FAM168B: variants seen among roughly 807,000 people sequenced by gnomAD.
FAM168B encodes myelin-associated neurite-outgrowth inhibitor.
FAM168B carries 19 observed loss-of-function variants against 21.8 expected under a neutral mutation model. The ratio of observed to expected loss-of-function variants is 0.87; its 90% CI spans 0.61 to 1.28. The LOEUF (loss-of-function observed/expected upper bound fraction) is 1.28. Ranked by LOEUF, FAM168B falls within the 50% of genes most tolerant of loss-of-function variation. FAM168B has a pLI of 0.00. For synonymous variants in FAM168B, 126 were observed against 104.8 expected (o/e 1.20, Z -1.24); for missense variants, 233 against 263.1 (o/e 0.89, Z 0.79).
chr2:131,070,448 G>A (rs1692816255), intron 3 of FAM168B, among the ~76,000 whole-genome samples: 1 of 152,208 alleles, frequency 6.6e-6, no homozygotes, highest in Non-Finnish European at 1.5e-5. Flanking sequence ...ACTGCTGGTA[G>A]GAATGTAAAA....
At chr2:131,063,744 A>C (rs1692420694) in intron 3 of FAM168B, among the ~76,000 whole-genome samples, 1 of 152,124 alleles carries the variant, frequency 6.6e-6, no homozygotes, top group African/African-American at 2.4e-5. Context: ...GTGCAACCAC[A>C]CTCCAGCCTG....
intron 3 of FAM168B, among the ~76,000 whole-genome samples, chr2:131,062,009 TAAAG>T (rs916245369): frequency 6.6e-6 from 1 of 152,000 alleles, no homozygotes; most frequent in Non-Finnish European, 1.5e-5. Context: ...ACTGATTCAC[TAAAG>T]AAAGAATGAG....
chr2:131,060,187 A>G (rs1692223038), intron 3 of FAM168B, among the ~76,000 whole-genome samples: 1 of 152,090 alleles, frequency 6.6e-6, no homozygotes, highest in Non-Finnish European at 1.5e-5. Context: ...CACCACACCC[A>G]GCTAATTTTT....
intron 3 of FAM168B, among the ~76,000 whole-genome samples, chr2:131,069,410 T>C (rs1040190104): frequency 6.6e-6 from 1 of 152,078 alleles, no homozygotes; most frequent in Non-Finnish European, 1.5e-5. Flanking sequence ...GTCACAGACA[T>C]AAATGTAAAA....
At chr2:131,068,389 C>A (rs1182663986) in intron 3 of FAM168B, among the ~76,000 whole-genome samples, 1 of 152,120 alleles carries the variant, frequency 6.6e-6, no homozygotes, top group Non-Finnish European at 1.5e-5. Context: ...GAATTCCTGG[C>A]CTCAAGTGAT....
In FAM168B at chr2:131,053,002, A is replaced by G. The variant is rs1289080253; in HGVS notation, c.489T>C (p.Thr163=). The G allele has an allele frequency of 3.2e-6, 5 of 1,552,470 alleles. No homozygotes were observed. In the Admixed American group the frequency reaches 9.9e-5, roughly 31 times the overall value. Residue 163 remains threonine, a synonymous_variant, in exon 6 of 7, where the codon ACT becomes ACC. Coordinates refer to ENST00000389915, the MANE Select transcript of FAM168B (RefSeq NM_001009993.4). The part of the protein sequence containing the change: ...TMAMSAGTLL[T]AHSPTPVAPH... ...GGGCGACAGGAGTTGGGGAGTGAGC[A>G]GTCAGCAGGGTACCTGGAAGAAAGA...
chr2:131,059,118 G>A (rs775852280), intron 3 of FAM168B, among the ~76,000 whole-genome samples: 1 of 152,158 alleles, frequency 6.6e-6, no homozygotes, highest in Non-Finnish European at 1.5e-5. Flanking sequence ...CCAACACAGA[G>A]AGGCTATTCA....
In FAM168B at chr2:131,051,470, A is replaced by T. The variant is rs1431129525; in HGVS notation, c.*995T>A. ...TGCCTACCTGTTTTCAGCTGATTCA[A>T]ACATTTCTCCAGGAAAAAAAAAAAA... On this transcript the variant is annotated 3_prime_UTR_variant, in exon 7 of 7. Coordinates refer to ENST00000389915, the MANE Select transcript of FAM168B (RefSeq NM_001009993.4). 2.0e-6 allele frequency: 2 copies of T among 982,450 alleles called. No individual in the cohort carries two copies. The highest frequency in any genetic ancestry group is 2.3e-4 in the East Asian group (2 of 8,764). 60.9% of individuals were successfully genotyped at this position (982,450 alleles called of 1,614,324 possible).
intron 1 of FAM168B, among the ~76,000 whole-genome samples, chr2:131,092,825 A>G (rs955361118): frequency 6.6e-6 from 1 of 152,194 alleles, no homozygotes; most frequent in African/African-American, 2.4e-5. Context: ...AAAAATAAAA[A>G]TTATCTTTAC....
Position 131,048,183 on chromosome 2 carries a change from A to T in FAM168B, c.*4282T>A, listed in dbSNP as rs1166450285. 1 of 1,249,500 alleles carries T rather than the reference A, an allele frequency of 8.0e-7. No homozygotes were observed. Among genetic ancestry groups the T allele is most frequent in the African/African-American group, 1.6e-5 (1 of 63,640 alleles). 77.4% of individuals were successfully genotyped at this position (1,249,500 alleles called of 1,614,324 possible). On this transcript the variant is annotated 3_prime_UTR_variant, in exon 7 of 7. Transcript: ENST00000389915. ...GGTATTTAAAAATCATTTTTAAAAA[A>T]ACAAAAAGGAACCGTTTCTTCTTTA...
At position 131,049,689 on chromosome 2, in the gene FAM168B, GGTCCTTTGCTTACCTGCTGTCTCAACT is replaced by G; in HGVS notation, c.*2749_*2775del. The G allele has an allele frequency of 1.0e-6, 1 of 985,790 alleles. No homozygotes were observed. The allele number at this position is 985,790 out of a possible 1,614,324, so 61.1% of individuals were successfully genotyped here. Reference sequence around the variant, plus strand: ...ATGATGTCCATGTTTACATGAACTAGGTCCTTTGCTTACCTGCTGTCTCAACTTCTAAAAGAATAGTAATTCAGCTGA... The same window carrying G: ...ATGATGTCCATGTTTACATGAACTAGTCTAAAAGAATAGTAATTCAGCTGA... On this transcript the variant is annotated 3_prime_UTR_variant, in exon 7 of 7. Transcript: ENST00000389915.
Position 131,048,171 on chromosome 2 carries a change from C to T in FAM168B, c.*4294G>A, listed in dbSNP as rs1220015496. 2.4e-6 allele frequency: 3 copies of T among 1,249,078 alleles called. No homozygotes were observed. The African/African-American group carries it at 4.7e-5, about 20-fold the overall frequency. The allele number at this position is 1,249,078 out of a possible 1,614,324, so 77.4% of individuals were successfully genotyped here. ...GGTGTAAAAAACGGTATTTAAAAAT[C>T]ATTTTTAAAAAAACAAAAAGGAACC... On this transcript the variant is annotated 3_prime_UTR_variant, in exon 7 of 7. Coordinates refer to ENST00000389915, the MANE Select transcript of FAM168B (RefSeq NM_001009993.4).
chr2:131,071,746 G>A, intron 3 of FAM168B, 109 bp downstream of exon 3: 1 of 935,488 alleles, frequency 1.1e-6, no homozygotes, highest in Non-Finnish European at 1.7e-6. Context: ...ATGAACTTGA[G>A]AAATCGACTC....
intron 2 of FAM168B, among the ~76,000 whole-genome samples, chr2:131,073,618 G>A (rs944315164): frequency 6.6e-6 from 1 of 152,124 alleles, no homozygotes; most frequent in African/African-American, 2.4e-5. Flanking sequence ...CATCACAAGA[G>A]GATAGAGCCC....
At chr2:131,077,391 A>C (rs1030481568) in intron 2 of FAM168B, among the ~76,000 whole-genome samples, 1 of 152,152 alleles carries the variant, frequency 6.6e-6, no homozygotes, top group African/African-American at 2.4e-5. Flanking sequence ...CTGGTGCCTC[A>C]TGTCGGCCTC....
At chr2:131,069,133 A>G (rs1193270350) in intron 3 of FAM168B, among the ~76,000 whole-genome samples, 2 of 152,246 alleles carry the variant, frequency 1.3e-5, no homozygotes, top group Non-Finnish European at 2.9e-5. Context: ...AGTGCTGCAC[A>G]TTTTTGGCAA....
intron 2 of FAM168B, among the ~76,000 whole-genome samples, chr2:131,079,239 A>G (rs1446815226): frequency 6.6e-6 from 1 of 152,156 alleles, no homozygotes; most frequent in Non-Finnish European, 1.5e-5. Context: ...GCACTTTGGG[A>G]GGCCAATCAC....
intron 2 of FAM168B, among the ~76,000 whole-genome samples, chr2:131,078,189 A>G (rs544537896): frequency 1.8e-4 from 28 of 152,352 alleles, no homozygotes; most frequent in African/African-American, 6.7e-4. Flanking sequence ...ACAAATGGAC[A>G]ATAAAAACTG....
chr2:131,051,391 C>G lies in FAM168B; in HGVS notation c.*1074G>C. 16 of 984,848 alleles carry G rather than the reference C, an allele frequency of 1.6e-5. No homozygotes were observed. Among genetic ancestry groups the G allele is most frequent in the Non-Finnish European group, 1.9e-5 (16 of 829,844 alleles). The allele number at this position is 984,848 out of a possible 1,614,324, so 61.0% of individuals were successfully genotyped here. A position where few individuals can be genotyped will look rare whatever the true frequency, so the allele number is the denominator to read the frequency against. On this transcript the variant is annotated 3_prime_UTR_variant, in exon 7 of 7. Transcript: ENST00000389915. ...AACTCATTCTTAAATATACCACTTTCTTCATAACATACAGCTGAAACCTTT... is the reference window on the plus strand; with the variant it reads ...AACTCATTCTTAAATATACCACTTTGTTCATAACATACAGCTGAAACCTTT...
Sources: gnomAD v4.1 joint callset for allele counts (sites outside exome capture counted in the v4.1 genomes callset) on GRCh38, gnomAD v4.1.1 for gene constraint, MANE v1.5 for transcripts, NCBI Gene and HGNC (gene_info 2026-07-23, HGNC 2026-07-21) for gene names.